The following IARS2 variants were observed in gnomAD, a reference collection of about 807,000 sequenced individuals.
IARS2 encodes isoleucyl-tRNA synthetase 2, mitochondrial, also known as isoleucine--tRNA ligase, mitochondrial.
IARS2 carries 56 observed loss-of-function variants against 126.3 expected under a neutral mutation model. That is an observed-to-expected ratio of 0.44 (90% confidence interval 0.36 to 0.55). The LOEUF is 0.55. Among genes scored for constraint, IARS2 ranks in the 20% least tolerant of loss-of-function variants. IARS2 has a pLI of 0.00. For synonymous variants in IARS2, 407 were observed against 441.1 expected (o/e 0.92, Z 0.97); for missense variants, 1,127 against 1,245.9 (o/e 0.90, Z 1.44).
In IARS2 at chr1:220,094,349, G is replaced by A. The variant is rs1465472353; in HGVS notation, c.133G>A (p.Val45Ile). ...GACGAAGAGGCTTCTGGTGCGGTCG[G>A]TCTCCGGGGCCAGTAACCACCAGCC... The part of the protein sequence containing the change: ...GATKRLLVRS[V>I]SGASNHQPNS... Residue 45 changes from valine to isoleucine, a missense_variant, in exon 1 of 23, where the codon GTC (valine) becomes ATC (isoleucine). Physicochemically the swap from Val to Ile is conservative, Grantham distance 29 (BLOSUM62 3). Coordinates refer to ENST00000366922, the MANE Select transcript of IARS2 (RefSeq NM_018060.4). 6.2e-7 allele frequency: 1 copy of A among 1,613,112 alleles called. No individual in the cohort carries two copies. The highest frequency in any genetic ancestry group is 8.5e-7 in the Non-Finnish European group (1 of 1,179,694).
chr1:220,142,029 A>AG, intron 20 of IARS2, 81 bp downstream of exon 20: 1 of 1,343,112 alleles, frequency 7.4e-7, no homozygotes, highest in Non-Finnish European at 1.0e-6. Context: ...GCTTCATAAA[A>AG]GGGGCACTTA....
At chr1:220,118,372 G>A (rs746038077) in intron 12 of IARS2, 1 of 208,206 alleles carries the variant, frequency 4.8e-6, no homozygotes, top group Non-Finnish European at 1.0e-5. Context: ...GATTTGAAAC[G>A]CTGATGTTTT....
intron 13 of IARS2, 86 bp downstream of exon 13, chr1:220,125,425 A>G (rs746739656): frequency 2.4e-5 from 19 of 802,444 alleles, no homozygotes; most frequent in Non-Finnish European, 3.7e-5. Flanking sequence ...TTAAAAAATT[A>G]TCTTATGTAA....
chr1:220,147,808 G>T lies in IARS2; in HGVS notation c.*173G>T, dbSNP rs1657637245. The T allele has an allele frequency of 4.8e-6, 3 of 623,244 alleles. No homozygotes were observed. In the Admixed American group the frequency reaches 8.9e-5, roughly 18 times the overall value. 38.6% of individuals were successfully genotyped at this position (623,244 alleles called of 1,614,324 possible). A position where few individuals can be genotyped will look rare whatever the true frequency, so the allele number is the denominator to read the frequency against. On this transcript the variant is annotated 3_prime_UTR_variant, in exon 23 of 23. Transcript: ENST00000366922. ...AGAAGAAGTATTTCCTGTAACTATA[G>T]AAAGAATTATGTATATATACATGCA...
At chr1:220,136,761 A>G in intron 15 of IARS2, 48 bp from the exon 16 acceptor site, 9 of 982,664 alleles carry the variant, frequency 9.2e-6, no homozygotes, top group Non-Finnish European at 1.2e-5. Context: ...CTTCAAAAAG[A>G]TAATTATAAT....
At chr1:220,113,420 A>T (rs908347762) in intron 11 of IARS2, among the ~76,000 whole-genome samples, 28 of 152,178 alleles carry the variant, frequency 1.8e-4, no homozygotes, top group African/African-American at 6.3e-4. Flanking sequence ...AAATGTAAAA[A>T]TGCTTTTATT....
chr1:220,116,230 A>C (rs1334785351), intron 12 of IARS2, among the ~76,000 whole-genome samples: 1 of 152,148 alleles, frequency 6.6e-6, no homozygotes, highest in Non-Finnish European at 1.5e-5. Context: ...ACAAAACAGA[A>C]CACATTGTCA....
At chr1:220,117,110 T>A (rs1387383896) in intron 12 of IARS2, among the ~76,000 whole-genome samples, 2 of 151,686 alleles carry the variant, frequency 1.3e-5, no homozygotes, top group African/African-American at 4.8e-5. Context: ...CCACAAACAT[T>A]TGTTTAAAAT....
chr1:220,119,772 G>A (rs1571854484), intron 12 of IARS2, among the ~76,000 whole-genome samples: 1 of 152,030 alleles, frequency 6.6e-6, no homozygotes. Context: ...ATAGAAGAAT[G>A]AATATGTACC....
chr1:220,095,728 A>G (rs1656425265), intron 1 of IARS2, among the ~76,000 whole-genome samples: 1 of 152,240 alleles, frequency 6.6e-6, no homozygotes, highest in Non-Finnish European at 1.5e-5. Flanking sequence ...TTGCCGCCAA[A>G]GAATAGCAAG....
chr1:220,098,769 A>T (rs1456242040), intron 2 of IARS2, among the ~76,000 whole-genome samples: 6 of 152,120 alleles, frequency 3.9e-5, no homozygotes, highest in Non-Finnish European at 8.8e-5. Context: ...TATTCCTATG[A>T]TATTGCTACT....
intron 16 of IARS2, among the ~76,000 whole-genome samples, chr1:220,137,470 G>GT (rs1022774460): frequency 3.4e-4 from 51 of 152,158 alleles, no homozygotes; most frequent in African/African-American, 1.2e-3. Flanking sequence ...TCATTTGTCT[G>GT]TTTTTTTCTA....
chr1:220,147,602 T>C lies in IARS2; in HGVS notation c.3006T>C (p.Cys1002=). The part of the protein sequence containing the change: ...KYTAESSDTL[C]PRCAEVVSGK ...CAGCGGAGTCTTCAGATACACTGTG[T>C]CCTCGATGTGCAGAAGTTGTCAGTG... Residue 1002 remains cysteine, a synonymous_variant, in exon 23 of 23, where the codon TGT becomes TGC. Transcript: ENST00000366922. The C allele has an allele frequency of 6.2e-7, 1 of 1,614,162 alleles. No individual in the cohort carries two copies. Among genetic ancestry groups the C allele is most frequent in the South Asian group, 1.1e-5 (1 of 91,086 alleles).
chr1:220,106,834 G>A (rs1332803027), intron 9 of IARS2, among the ~76,000 whole-genome samples: 2 of 152,100 alleles, frequency 1.3e-5, no homozygotes, highest in African/African-American at 4.8e-5. Context: ...GTTTCACCAT[G>A]TTGGCCAGGC....
intron 8 of IARS2, among the ~76,000 whole-genome samples, chr1:220,104,882 T>TA (rs1280023575): frequency 6.6e-6 from 1 of 152,090 alleles, no homozygotes; most frequent in Non-Finnish European, 1.5e-5. Context: ...AATTTCTTGC[T>TA]AAAAAATCTA....
At chr1:220,101,263 A>T (rs1656565189) in intron 3 of IARS2, among the ~76,000 whole-genome samples, 1 of 152,246 alleles carries the variant, frequency 6.6e-6, no homozygotes, top group South Asian at 2.1e-4. Context: ...TATTTGTCCT[A>T]AATATGAGGT....
chr1:220,134,199 T>C (rs568422371), intron 14 of IARS2, among the ~76,000 whole-genome samples: 1 of 152,316 alleles, frequency 6.6e-6, no homozygotes, highest in East Asian at 1.9e-4. Flanking sequence ...ATTTCAGAAG[T>C]CACGTGATAC....
At chr1:220,127,996 C>T (rs1479572110) in intron 14 of IARS2, among the ~76,000 whole-genome samples, 1 of 152,044 alleles carries the variant, frequency 6.6e-6, no homozygotes, top group Non-Finnish European at 1.5e-5. Flanking sequence ...AATGACACTC[C>T]AGTCAGTAGC....
chr1:220,121,933 G>C (rs543416533), intron 12 of IARS2, among the ~76,000 whole-genome samples: 13 of 152,184 alleles, frequency 8.5e-5, no homozygotes, highest in African/African-American at 1.4e-4. Context: ...TCTCTAGAGG[G>C]GGGGAAAGAA....
Sources: gnomAD v4.1 joint callset for allele counts (sites outside exome capture counted in the v4.1 genomes callset) on GRCh38, gnomAD v4.1.1 for gene constraint, MANE v1.5 for transcripts, NCBI Gene and HGNC (gene_info 2026-07-23, HGNC 2026-07-21) for gene names.